LMO4: variants seen among roughly 807,000 people sequenced by gnomAD.
LMO4 encodes the protein LIM domain transcription factor LMO4.
A neutral mutation model predicts 18.5 loss-of-function variants in LMO4; 3 were observed. That is an observed-to-expected ratio of 0.16 (90% CI 0.07 to 0.42). LMO4 has a LOEUF of 0.42. Ranked by LOEUF, LMO4 falls within the 10% of genes least tolerant of loss-of-function variation. The pLI is 0.99. For missense variants in LMO4, 121 were observed against 219.9 expected (o/e 0.55, Z 2.84); for synonymous variants, 100 against 88.1 (o/e 1.14, Z -0.76).
At chr1:87,332,416 G>A (rs1008662321) in intron 2 of LMO4, among the ~76,000 whole-genome samples, 165 bp downstream of exon 2, 1 of 152,228 alleles carries the variant, frequency 6.6e-6, no homozygotes, top group African/African-American at 2.4e-5. Context: ...GCATGTGTTA[G>A]TCTTCCAATA....
At chr1:87,340,225 T>TA in intron 4 of LMO4, 23 bp downstream of exon 4, 1 of 1,611,550 alleles carries the variant, frequency 6.2e-7, no homozygotes, top group Non-Finnish European at 8.5e-7. Flanking sequence ...CAATTACTAA[T>TA]AAGCTTTATT....
At chr1:87,334,644 T>C (rs957783335) in intron 2 of LMO4, among the ~76,000 whole-genome samples, 1 of 152,132 alleles carries the variant, frequency 6.6e-6, no homozygotes, top group Non-Finnish European at 1.5e-5. Flanking sequence ...GAGTTGTGGT[T>C]TTTTGAAAAC....
rs541106347 is a variant in LMO4, at chr1:87,347,375, T to C, written c.*2579T>C. On this transcript the variant is annotated 3_prime_UTR_variant, in exon 5 of 5. Coordinates refer to ENST00000370544, the MANE Select transcript of LMO4 (RefSeq NM_006769.4). ...CTCTAATGGGGATGCTCTGTGTGGA[T>C]AGAAAGCTACTAAAAACACTCAGGT... 6.8e-4 allele frequency: 103 copies of C among 152,218 alleles called. No homozygotes were observed. Among genetic ancestry groups the C allele is most frequent in the African/African-American group, 2.4e-3 (99 of 41,542 alleles). 9.4% of individuals were successfully genotyped at this position (152,218 alleles called of 1,614,324 possible). A position where few individuals can be genotyped will look rare whatever the true frequency, so the allele number is the denominator to read the frequency against.
rs1400331075 is a variant in LMO4 at position 87,347,458 on chromosome 1, A to G, written c.*2662A>G. ...TCCTCCCCCAATCTCAACATTGCTT[A>G]GGAAAAAAAAAAATCTATGAGTTTA... On this transcript the variant is annotated 3_prime_UTR_variant, in exon 5 of 5. Transcript: ENST00000370544. 1 of 151,926 alleles carries G rather than the reference A, an allele frequency of 6.6e-6. No individual in the cohort carries two copies. Among genetic ancestry groups the G allele is most frequent in the Non-Finnish European group, 1.5e-5 (1 of 68,012 alleles). 9.4% of individuals were successfully genotyped at this position (151,926 alleles called of 1,614,324 possible).
chr1:87,339,537 T>C lies in LMO4; in HGVS notation c.238T>C (p.Leu80=), dbSNP rs764324894. The part of the protein sequence containing the change: ...MILCRNDYIR[L]FGNSGACSAC... ...GTCAACCGTTATTCTTTGTTTCAGG[T>C]TATTTGGAAATAGCGGTGCTTGCAG... The change falls in exon 3 of 5, where the codon TTA becomes CTA. Residue 80 remains leucine, a splice_region_variant and synonymous_variant. Coordinates refer to ENST00000370544, the MANE Select transcript of LMO4 (RefSeq NM_006769.4). The C allele has an allele frequency of 7.4e-6, 12 of 1,611,738 alleles. No individual in the cohort carries two copies. The highest frequency in any genetic ancestry group is 1.6e-4 in the Middle Eastern group (1 of 6,064).
chr1:87,342,887 C>G (rs966360208), intron 4 of LMO4, among the ~76,000 whole-genome samples: 7 of 152,072 alleles, frequency 4.6e-5, no homozygotes, highest in African/African-American at 1.7e-4. Context: ...TTCCCAAAAC[C>G]CTGTGGCGTT....
intron 1 of LMO4, among the ~76,000 whole-genome samples, chr1:87,330,156 A>G (rs1327460717): frequency 6.6e-6 from 1 of 151,968 alleles, no homozygotes; most frequent in Non-Finnish European, 1.5e-5. Context: ...AGCTTTAGCT[A>G]ATGGGGTTAC....
At chr1:87,331,723 A>C in intron 1 of LMO4, 1 of 433,386 alleles carries the variant, frequency 2.3e-6, no homozygotes, top group East Asian at 3.7e-5. Context: ...CTGCTCTCGG[A>C]GTTTTGACAG....
chr1:87,339,177 C>T (rs373453567), intron 2 of LMO4, among the ~76,000 whole-genome samples: 1 of 151,976 alleles, frequency 6.6e-6, no homozygotes, highest in East Asian at 1.9e-4. Flanking sequence ...AAGAGTTCTT[C>T]ATATAATTTC....
chr1:87,338,087 T>C (rs1167821047), intron 2 of LMO4, among the ~76,000 whole-genome samples: 1 of 152,230 alleles, frequency 6.6e-6, no homozygotes, highest in East Asian at 1.9e-4. Context: ...GCAGTTTTAC[T>C]ACTCTCCCTG....
intron 2 of LMO4, 27 bp from the exon 3 acceptor site, chr1:87,339,509 G>A: frequency 6.6e-7 from 1 of 1,526,698 alleles, no homozygotes; most frequent in Non-Finnish European, 9.1e-7. Flanking sequence ...ATTATTCACT[G>A]GTGTCAACCG....
At position 87,344,890 on chromosome 1, in the gene LMO4, G is replaced by T. The variant is rs1650585823; in HGVS notation, c.*94G>T. 8 of 1,254,642 alleles carry T rather than the reference G, an allele frequency of 6.4e-6. No homozygotes were observed. The Admixed American group carries it at 1.0e-4, about 16-fold the overall frequency. The allele number at this position is 1,254,642 out of a possible 1,614,324, so 77.7% of individuals were successfully genotyped here. On this transcript the variant is annotated 3_prime_UTR_variant, in exon 5 of 5. Transcript: ENST00000370544. ...CTTCAGTAGACAAGTCACCTTTGTA[G>T]CTAGCACCAGTGCCAGCTCCATGCC...
chr1:87,328,946 C>G lies in LMO4; in HGVS notation c.-302C>G, dbSNP rs1273698079. ...GAAGCCGCGCCGCGCGGGCCGAGGGCTCCTGCAGCTGCTCGCGCGCAGTCG... is the reference window on the plus strand; with the variant it reads ...GAAGCCGCGCCGCGCGGGCCGAGGGGTCCTGCAGCTGCTCGCGCGCAGTCG... On this transcript the variant is annotated 5_prime_UTR_variant, in exon 1 of 5. Coordinates refer to ENST00000370544, the MANE Select transcript of LMO4 (RefSeq NM_006769.4). 1 of 151,980 alleles carries G rather than the reference C, an allele frequency of 6.6e-6. No homozygotes were observed. The highest frequency in any genetic ancestry group is 2.4e-5 in the African/African-American group (1 of 41,352). 9.4% of individuals were successfully genotyped at this position (151,980 alleles called of 1,614,324 possible).
In LMO4 at chr1:87,332,118, C is replaced by T; in HGVS notation, c.103C>T (p.Leu35=). Residue 35 remains leucine (L), a synonymous_variant, in exon 2 of 5, where the codon CTG becomes TTG. Coordinates refer to ENST00000370544, the MANE Select transcript of LMO4 (RefSeq NM_006769.4). ...CGGGGGCAAGATTGCGGACCGCTTT[C>T]TGCTCTATGCCATGGACAGCTATTG... ...GCGGKIADRF[L]LYAMDSYWHS... 6.2e-7 allele frequency: 1 copy of T among 1,614,216 alleles called. No individual in the cohort carries two copies. Among genetic ancestry groups the T allele is most frequent in the South Asian group, 1.1e-5 (1 of 91,092 alleles).
chr1:87,334,115 T>G (rs1650230570), intron 2 of LMO4, among the ~76,000 whole-genome samples: 1 of 152,182 alleles, frequency 6.6e-6, no homozygotes, highest in Non-Finnish European at 1.5e-5. Context: ...CTTTTGGTGT[T>G]TTCCTGTGCC....
chr1:87,333,182 C>G (rs1262588387), intron 2 of LMO4, among the ~76,000 whole-genome samples: 1 of 152,080 alleles, frequency 6.6e-6, no homozygotes. Flanking sequence ...ACTCAAGCTA[C>G]TTAAACTCAT....
rs1018850490 is a variant in LMO4, at chr1:87,342,854, A to G, written c.490-1934A>G. ...GGTGGAACATAAACTGCTTTTTGGA[A>G]CTGGAGAGGCTTTAAAATTATTTTC... On this transcript the variant is annotated intron_variant, in intron 4 of 4. Transcript: ENST00000370544. 1.3e-5 allele frequency among the ~76,000 whole-genome samples: 2 copies of G among 152,146 alleles called. 1 individual carries two copies. The highest frequency in any genetic ancestry group is 2.9e-5 in the Non-Finnish European group (2 of 68,004).
At position 87,329,029 on chromosome 1, in the gene LMO4, TA is replaced by T. The variant is rs1275658784; in HGVS notation, c.-218del. ...CTTCTGCTCCCGGCCGCCCGGCACT[TA>T]CGCGGGGGCCCCCCAACCCGCCCCA... On this transcript the variant is annotated 5_prime_UTR_variant, in exon 1 of 5. Transcript: ENST00000370544. The T allele has an allele frequency of 6.6e-6, 1 of 150,612 alleles. No individual in the cohort carries two copies. The highest frequency in any genetic ancestry group is 6.6e-5 in the Admixed American group (1 of 15,200). The allele number at this position is 150,612 out of a possible 1,614,324, so 9.3% of individuals were successfully genotyped here.
Position 87,345,389 on chromosome 1 carries a change from A to C in LMO4, c.*593A>C, listed in dbSNP as rs1253748898. 3 of 143,396 alleles carry C rather than the reference A, an allele frequency of 2.1e-5. No homozygotes were observed. The East Asian group carries it at 5.8e-4, about 28-fold the overall frequency. 8.9% of individuals were successfully genotyped at this position (143,396 alleles called of 1,614,324 possible). ...AATGTTGCTACTCCCATGGCAAAGAAAAAAAAAAGAATGAAAAAAAGAAAA... is the reference window on the plus strand; with the variant it reads ...AATGTTGCTACTCCCATGGCAAAGACAAAAAAAAGAATGAAAAAAAGAAAA... On this transcript the variant is annotated 3_prime_UTR_variant, in exon 5 of 5. Coordinates refer to ENST00000370544, the MANE Select transcript of LMO4 (RefSeq NM_006769.4).
Sources: allele counts gnomAD v4.1 joint callset (sites outside exome capture counted in the v4.1 genomes callset), GRCh38; gene constraint gnomAD v4.1.1; transcripts MANE v1.5; gene names NCBI Gene and HGNC (gene_info 2026-07-23, HGNC 2026-07-21).